Variants in STK31 observed in about 807,000 individuals in gnomAD.
The protein encoded by STK31 is serine/threonine-protein kinase 31.
STK31 carries 89 observed loss-of-function variants against 129.7 expected under a neutral mutation model. The observed-to-expected ratio is 0.69, with a 90% CI of 0.58 to 0.82. STK31 has a LOEUF of 0.82. Among genes scored for constraint, STK31 ranks in the 40% least tolerant of loss-of-function variants. The probability of loss-of-function intolerance (pLI) is 0.00; values close to 1 mark genes in which losing one functional copy is unlikely to be tolerated. For missense variants in STK31, 1,187 were observed against 1,176.4 expected (o/e 1.01, Z -0.13); for synonymous variants, 448 against 395.3 (o/e 1.13, Z -1.58).
chr7:23,732,810 T>A (rs1220107964), intron 6 of STK31, among the ~76,000 whole-genome samples: 1 of 152,142 alleles, frequency 6.6e-6, no homozygotes, highest in Non-Finnish European at 1.5e-5. Flanking sequence ...AGCAATAATT[T>A]TCAAAGACTT....
chr7:23,714,129 G>A (rs996230190), intron 3 of STK31, among the ~76,000 whole-genome samples: 2 of 152,112 alleles, frequency 1.3e-5, no homozygotes, highest in Admixed American at 1.3e-4. Flanking sequence ...TGACCACAAT[G>A]TCACTATGTG....
intron 8 of STK31, among the ~76,000 whole-genome samples, chr7:23,750,752 T>C (rs1226524779): frequency 6.6e-6 from 1 of 152,224 alleles, no homozygotes; most frequent in African/African-American, 2.4e-5. Context: ...TTTTTCTTGG[T>C]ACATAGTATT....
At chr7:23,826,065 G>A (rs1177337086) in intron 23 of STK31, among the ~76,000 whole-genome samples, 1 of 152,156 alleles carries the variant, frequency 6.6e-6, no homozygotes, top group Non-Finnish European at 1.5e-5. Context: ...TGAAAAGAAT[G>A]TATATTCTGT....
chr7:23,818,345 G>T (rs889233809), intron 23 of STK31, among the ~76,000 whole-genome samples: 7 of 152,028 alleles, frequency 4.6e-5, no homozygotes, highest in African/African-American at 1.7e-4. Flanking sequence ...AGATACAGAG[G>T]TTAATTAAAT....
At chr7:23,748,625 A>G (rs1788498928) in intron 8 of STK31, among the ~76,000 whole-genome samples, 2 of 152,142 alleles carry the variant, frequency 1.3e-5, no homozygotes, top group African/African-American at 2.4e-5. Flanking sequence ...CAATGTGAAG[A>G]TGAGGGAGGA....
At chr7:23,735,448 G>T in intron 6 of STK31, 90 bp from the exon 7 acceptor site, 1 of 1,168,470 alleles carries the variant, frequency 8.6e-7, no homozygotes, top group South Asian at 1.6e-5. Flanking sequence ...TTAGAATGAA[G>T]AAATATGATG....
At chr7:23,756,409 G>A (rs1247049750) in intron 10 of STK31, among the ~76,000 whole-genome samples, 1 of 152,060 alleles carries the variant, frequency 6.6e-6, no homozygotes, top group African/African-American at 2.4e-5. Context: ...GAGACGATGG[G>A]GATTTCTAAA....
intron 6 of STK31, among the ~76,000 whole-genome samples, chr7:23,733,823 A>T (rs10227056): frequency 0.32 from 48,651 of 150,370 alleles, 7,968 homozygotes; most frequent in East Asian, 0.39. Context: ...ATAAAAAAAT[A>T]AAAAAAAAAT....
chr7:23,766,855 T>G (rs539060741), intron 11 of STK31, among the ~76,000 whole-genome samples: 2 of 152,286 alleles, frequency 1.3e-5, no homozygotes, highest in East Asian at 3.9e-4. Flanking sequence ...GGCTAATCTA[T>G]TGTTTAAAAT....
Position 23,735,880 on chromosome 7 carries a change from C to G in STK31, c.826C>G (p.Leu276Val), listed in dbSNP as rs772525504. Reference sequence around the variant, plus strand: ...GAAGGATGAAAATGATGCAGGCAATCTTATAACATTTCCAAAGTAAGAATT... The same window carrying G: ...GAAGGATGAAAATGATGCAGGCAATGTTATAACATTTCCAAAGTAAGAATT... ...DLKDENDAGN[L>V]ITFPKESLAV... is the part of the protein sequence containing the mutation. The change falls in exon 7 of 24, where the codon CTT (leucine) becomes GTT (valine). Residue 276 changes from leucine (L) to valine (V), a missense_variant. This residue lies in a region of STK31 where 975 missense variants were observed against 934.9 expected (regional missense o/e 1.04). Coordinates refer to ENST00000355870, the MANE Select transcript of STK31 (RefSeq NM_031414.5). The G allele has an allele frequency of 7.0e-6, 11 of 1,575,360 alleles. No homozygotes were observed. The South Asian group carries it at 1.2e-4, about 17-fold the overall frequency.
chr7:23,750,064 GT>G lies in STK31; in HGVS notation c.1018-2650del, dbSNP rs1198584416. 4.1e-4 allele frequency among the ~76,000 whole-genome samples: 35 copies of G among 86,048 alleles called. 3 individuals are homozygous for G. The highest frequency in any genetic ancestry group is 8.1e-4 in the African/African-American group (20 of 24,746). 56.5% of individuals were successfully genotyped at this position (86,048 alleles called of 152,430 possible). A position where few individuals can be genotyped will look rare whatever the true frequency, so the allele number is the denominator to read the frequency against. On this transcript the variant is annotated intron_variant, in intron 8 of 23. Coordinates refer to ENST00000355870, the MANE Select transcript of STK31 (RefSeq NM_031414.5). ...GCTCTGGGATATTTCAGAATGGTTT[GT>G]TTCCCCCCCCGCCACTGCTGGAAAC...
intron 11 of STK31, among the ~76,000 whole-genome samples, chr7:23,765,558 C>CTT (rs10677070): frequency 0.69 from 89,608 of 129,332 alleles, 32,484 homozygotes; most frequent in South Asian, 0.86. Flanking sequence ...ACCTCTTATA[C>CTT]TTTTTTTTTT....
At chr7:23,724,299 A>C (rs1260913282) in intron 4 of STK31, among the ~76,000 whole-genome samples, 2 of 152,208 alleles carry the variant, frequency 1.3e-5, no homozygotes, top group Non-Finnish European at 2.9e-5. Flanking sequence ...CTGCTTACAC[A>C]GGTCAACTCC....
Position 23,710,329 on chromosome 7 carries a change from G to C in STK31, c.44G>C (p.Ser15Thr). Reference sequence around the variant, plus strand: ...TCTTCTAGAGCTTCCGCAACGGAAAGTGTGAGGTCAGTAGTAGTTTTTGTG... The same window carrying C: ...TCTTCTAGAGCTTCCGCAACGGAAACTGTGAGGTCAGTAGTAGTTTTTGTG... ...GHSSRASATE[S>T]VSFSGIVQMD... The change falls in exon 1 of 24, where the codon AGT (serine) becomes ACT (threonine). Residue 15 changes from serine (S) to threonine (T), a missense_variant. Physicochemically the swap from Ser to Thr is moderately conservative, Grantham distance 58. Coordinates refer to ENST00000355870, the MANE Select transcript of STK31 (RefSeq NM_031414.5). The C allele has an allele frequency of 1.2e-6, 2 of 1,613,526 alleles. No individual in the cohort carries two copies. The highest frequency in any genetic ancestry group is 1.7e-6 in the Non-Finnish European group (2 of 1,179,944).
intron 22 of STK31, among the ~76,000 whole-genome samples, chr7:23,792,971 A>G (rs73082967): frequency 0.18 from 27,627 of 152,222 alleles, 2,473 homozygotes; most frequent in East Asian, 0.22. Context: ...ACAGTAAGCT[A>G]TGACTGCTCC....
At chr7:23,781,396 A>AT in intron 15 of STK31, 23 bp from the exon 16 acceptor site, 1 of 1,562,392 alleles carries the variant, frequency 6.4e-7, no homozygotes, top group Non-Finnish European at 8.7e-7. Context: ...TTAATAAAAA[A>AT]CACTTTTTCT....
chr7:23,814,146 C>CTTTTTTTTTTTTTTTTTTT lies in STK31; in HGVS notation c.2761-996_2761-995insTTTTTTTTTTTTTTTTTTT, dbSNP rs71552259. On this transcript the variant is annotated intron_variant, in intron 22 of 23. Coordinates refer to ENST00000355870, the MANE Select transcript of STK31 (RefSeq NM_031414.5). ...GTTGGGAAACATCAGATCTGGCTCA[C>CTTTTTTTTTTTTTTTTTTT]TTATTTTTTTTTTTTTTTCAGTTGG... Among the ~76,000 whole-genome samples the CTTTTTTTTTTTTTTTTTTT allele has an allele frequency of 1.7e-4, 17 of 98,914 alleles. 6 individuals are homozygous for CTTTTTTTTTTTTTTTTTTT. Among genetic ancestry groups the CTTTTTTTTTTTTTTTTTTT allele is most frequent in the Non-Finnish European group, 1.9e-4 (10 of 53,224 alleles). 64.9% of individuals were successfully genotyped at this position (98,914 alleles called of 152,430 possible).
At chr7:23,711,133 TC>T (rs1016926541) in intron 1 of STK31, among the ~76,000 whole-genome samples, 11 of 152,290 alleles carry the variant, frequency 7.2e-5, no homozygotes, top group Non-Finnish European at 1.3e-4. Flanking sequence ...ATAGTGGTGT[TC>T]CTAGACAACT....
chr7:23,738,906 T>A (rs1328542095), intron 8 of STK31, among the ~76,000 whole-genome samples: 1 of 152,214 alleles, frequency 6.6e-6, no homozygotes, highest in Non-Finnish European at 1.5e-5. Context: ...TTCCAAGTCT[T>A]TGCCATTGTA....
Sources: allele counts gnomAD v4.1 joint callset (sites outside exome capture counted in the v4.1 genomes callset), GRCh38; gene constraint gnomAD v4.1.1; regional missense constraint gnomAD v4.1.1; transcripts MANE v1.5; gene names NCBI Gene and HGNC (gene_info 2026-07-23, HGNC 2026-07-21).